The following ADAMTSL3 variants were observed in gnomAD, a reference collection of about 807,000 sequenced individuals.
The protein encoded by ADAMTSL3 is ADAMTS-like protein 3.
ADAMTSL3 carries 128 observed loss-of-function variants against 201.7 expected under a neutral mutation model. That is an observed-to-expected ratio of 0.63 (90% confidence interval 0.55 to 0.73). The LOEUF (loss-of-function observed/expected upper bound fraction) is 0.73. Among genes scored for constraint, ADAMTSL3 ranks in the 30% least tolerant of loss-of-function variants. The pLI is 0.00. For missense variants in ADAMTSL3, 1,990 were observed against 2,119.6 expected (o/e 0.94, Z 1.20); for synonymous variants, 738 against 748.4 (o/e 0.99, Z 0.23).
At chr15:83,867,943 C>T (rs76302904) in intron 8 of ADAMTSL3, among the ~76,000 whole-genome samples, 1 of 152,116 alleles carries the variant, frequency 6.6e-6, no homozygotes, top group Non-Finnish European at 1.5e-5. Context: ...CACTAGAGAC[C>T]TGAGTTGTGA....
At chr15:83,729,909 T>G (rs2062238139) in intron 3 of ADAMTSL3, among the ~76,000 whole-genome samples, 1 of 152,066 alleles carries the variant, frequency 6.6e-6, no homozygotes, top group African/African-American at 2.4e-5. Context: ...TGGGAAGGCT[T>G]TCTAAGTATT....
intron 3 of ADAMTSL3, among the ~76,000 whole-genome samples, chr15:83,716,955 TTAAC>T (rs751655102): frequency 5.3e-5 from 8 of 152,242 alleles, no homozygotes; most frequent in East Asian, 3.8e-4. Context: ...GGCAAGATTT[TTAAC>T]TAAGAATTTT....
intron 17 of ADAMTSL3, among the ~76,000 whole-genome samples, chr15:83,925,428 T>C (rs1177876093): frequency 6.6e-6 from 1 of 152,182 alleles, no homozygotes; most frequent in Non-Finnish European, 1.5e-5. Context: ...GCCTGTAGAC[T>C]TACCTTGGTG....
intron 4 of ADAMTSL3, among the ~76,000 whole-genome samples, chr15:83,792,791 C>CAAA (rs71156100): frequency 8.2e-6 from 1 of 122,442 alleles, no homozygotes. Context: ...GACTCTGTCT[C>CAAA]AAAAAAAAAA....
chr15:83,949,260 G>A lies in ADAMTSL3; in HGVS notation c.2490+6178G>A, dbSNP rs568637976. ...CCACAAATAAGTGAGAACATGTGAT[G>A]TTTGTCTTTCTGTGCCTGGCTTATT... On this transcript the variant is annotated intron_variant, in intron 19 of 29. Coordinates refer to ENST00000286744, the MANE Select transcript of ADAMTSL3 (RefSeq NM_207517.3). 1.0e-3 allele frequency among the ~76,000 whole-genome samples: 156 copies of A among 152,246 alleles called. 1 individual carries two copies. The highest frequency in any genetic ancestry group is 3.6e-3 in the African/African-American group (151 of 41,562).
intron 13 of ADAMTSL3, among the ~76,000 whole-genome samples, chr15:83,896,023 T>A (rs891560820): frequency 6.6e-6 from 1 of 151,826 alleles, no homozygotes; most frequent in African/African-American, 2.4e-5. Flanking sequence ...GCTTAGGGGG[T>A]CAGAAAATAA....
intron 2 of ADAMTSL3, among the ~76,000 whole-genome samples, chr15:83,657,934 T>C (rs1009419459): frequency 2.6e-5 from 4 of 152,170 alleles, no homozygotes; most frequent in African/African-American, 9.7e-5. Flanking sequence ...AAGGCCGCCC[T>C]TTCTGAAGTA....
chr15:83,669,917 C>T (rs2061306046), intron 2 of ADAMTSL3, among the ~76,000 whole-genome samples: 1 of 151,956 alleles, frequency 6.6e-6, no homozygotes, highest in Non-Finnish European at 1.5e-5. Flanking sequence ...TGACACAAAT[C>T]AGGTCTCCCT....
chr15:83,921,882 C>T (rs2141984746), intron 16 of ADAMTSL3, among the ~76,000 whole-genome samples: 1 of 151,646 alleles, frequency 6.6e-6, no homozygotes, highest in Admixed American at 6.6e-5. Context: ...GATGGGGTCT[C>T]ACTATGTTGC....
chr15:83,929,938 A>C (rs534302762), intron 17 of ADAMTSL3, among the ~76,000 whole-genome samples: 1 of 152,284 alleles, frequency 6.6e-6, no homozygotes, highest in South Asian at 2.1e-4. Context: ...CGCTACTATG[A>C]CATTAGTTAA....
chr15:83,703,718 T>A (rs1322806169), intron 2 of ADAMTSL3, among the ~76,000 whole-genome samples: 1 of 152,150 alleles, frequency 6.6e-6, no homozygotes, highest in Admixed American at 6.5e-5. Context: ...GTCTCGGGTA[T>A]GTAGTTATCA....
intron 16 of ADAMTSL3, among the ~76,000 whole-genome samples, chr15:83,923,082 A>G (rs917130183): frequency 1.3e-5 from 2 of 152,094 alleles, no homozygotes; most frequent in African/African-American, 4.8e-5. Flanking sequence ...ATGCTTGTGA[A>G]ATTTCATATT....
chr15:83,978,303 C>G (rs1456806872), intron 20 of ADAMTSL3, among the ~76,000 whole-genome samples: 1 of 152,198 alleles, frequency 6.6e-6, no homozygotes, highest in Non-Finnish European at 1.5e-5. Context: ...GTGTGGCAGA[C>G]TGCACAAAGA....
At chr15:83,981,343 A>G (rs1012525917) in intron 20 of ADAMTSL3, among the ~76,000 whole-genome samples, 2 of 152,092 alleles carry the variant, frequency 1.3e-5, no homozygotes, top group Non-Finnish European at 2.9e-5. Context: ...GTCAAAGCCA[A>G]CCCCATCTCT....
chr15:83,701,849 G>A (rs1303582337), intron 2 of ADAMTSL3, among the ~76,000 whole-genome samples: 3 of 152,158 alleles, frequency 2.0e-5, no homozygotes, highest in East Asian at 1.9e-4. Context: ...GTGGAATCGG[G>A]TGCTGCTGAA....
chr15:83,682,533 A>G (rs549021549), intron 2 of ADAMTSL3, among the ~76,000 whole-genome samples: 7 of 152,190 alleles, frequency 4.6e-5, no homozygotes, highest in Admixed American at 1.3e-4. Context: ...GAGCCTACCA[A>G]TGTCACTCGT....
intron 28 of ADAMTSL3, among the ~76,000 whole-genome samples, chr15:84,033,619 A>C (rs995912982): frequency 1.3e-5 from 2 of 152,154 alleles, no homozygotes; most frequent in Non-Finnish European, 2.9e-5. Context: ...AGATCACACC[A>C]CTGTACTCCA....
At chr15:83,780,034 A>G (rs1340430010) in intron 4 of ADAMTSL3, among the ~76,000 whole-genome samples, 2 of 147,990 alleles carry the variant, frequency 1.4e-5, no homozygotes, top group Non-Finnish European at 3.0e-5. Context: ...GAGAACCAAG[A>G]GCAAACCAAT....
intron 6 of ADAMTSL3, among the ~76,000 whole-genome samples, chr15:83,835,791 T>G (rs1468627444): frequency 6.6e-6 from 1 of 152,252 alleles, no homozygotes; most frequent in African/African-American, 2.4e-5. Flanking sequence ...AAATGTTAAT[T>G]TAATGGCCTG....
Sources: allele counts gnomAD v4.1 joint callset (sites outside exome capture counted in the v4.1 genomes callset), GRCh38; gene constraint gnomAD v4.1.1; transcripts MANE v1.5; gene names NCBI Gene and HGNC (gene_info 2026-07-23, HGNC 2026-07-21).